SWAP70: variants seen among roughly 807,000 people sequenced by gnomAD.
SWAP70 encodes the protein switching B cell complex subunit SWAP70.
SWAP70 carries 34 observed loss-of-function variants against 80.2 expected under a neutral mutation model. The observed-to-expected ratio is 0.42, with a 90% CI of 0.32 to 0.56. The LOEUF is 0.56. SWAP70 is among the 20% of genes least tolerant of loss of function. The probability of loss-of-function intolerance (pLI) is 0.09; values close to 1 mark genes in which losing one functional copy is unlikely to be tolerated. For missense variants in SWAP70, 578 were observed against 690.7 expected, an observed-to-expected ratio of 0.84 and a Z score of 1.83; for synonymous variants, 239 against 238.5, an observed-to-expected ratio of 1.00 and a Z score of -0.02.
intron 1 of SWAP70, among the ~76,000 whole-genome samples, chr11:9,681,799 GCTT>G (rs1850571287): frequency 6.6e-6 from 1 of 152,208 alleles, no homozygotes; most frequent in South Asian, 2.1e-4. Flanking sequence ...CTCAGAGAAT[GCTT>G]CCTAGAGGAG....
In SWAP70 at chr11:9,665,960, T is replaced by C. The variant is rs187675516; in HGVS notation, c.99+1682T>C. Among the ~76,000 whole-genome samples the C allele has an allele frequency of 7.7e-4, 117 of 152,244 alleles. 3 individuals are homozygous for C. The highest frequency in any genetic ancestry group is 2.7e-3 in the African/African-American group (111 of 41,582). On this transcript the variant is annotated intron_variant, in intron 1 of 11. Transcript: ENST00000318950. ...TTTTAATTGGTATATTTAGGCCATT[T>C]ACATTTAATGTAATTATTGATATGG...
At chr11:9,667,668 T>G (rs938648698) in intron 1 of SWAP70, among the ~76,000 whole-genome samples, 5 of 141,174 alleles carry the variant, frequency 3.5e-5, no homozygotes, top group African/African-American at 1.2e-4. Flanking sequence ...GCTCAAGCAG[T>G]CCTCCCACTT....
chr11:9,700,279 G>A (rs149338892), intron 2 of SWAP70, among the ~76,000 whole-genome samples: 1 of 152,244 alleles, frequency 6.6e-6, no homozygotes, highest in East Asian at 1.9e-4. Context: ...GTGAGCCCTT[G>A]TTTATTATTG....
intron 7 of SWAP70, among the ~76,000 whole-genome samples, chr11:9,734,238 C>G (rs1025453558): frequency 6.6e-6 from 1 of 152,200 alleles, no homozygotes; most frequent in Non-Finnish European, 1.5e-5. Flanking sequence ...GATCAATTCT[C>G]TGTTCCTGTA....
intron 1 of SWAP70, 86 bp downstream of exon 1, chr11:9,664,364 C>T (rs987264277): frequency 2.8e-6 from 4 of 1,420,854 alleles, no homozygotes; most frequent in East Asian, 2.8e-5. Flanking sequence ...CCTGGCGGGC[C>T]GTGACCGCAG....
chr11:9,722,539 G>A (rs755216339), intron 3 of SWAP70, among the ~76,000 whole-genome samples: 19 of 152,186 alleles, frequency 1.2e-4, no homozygotes, highest in Non-Finnish European at 2.4e-4. Context: ...CCTTTGGTTG[G>A]TCTGACAGTC....
intron 2 of SWAP70, among the ~76,000 whole-genome samples, chr11:9,702,954 A>G (rs1175398506): frequency 6.6e-6 from 1 of 152,210 alleles, no homozygotes; most frequent in South Asian, 2.1e-4. Flanking sequence ...TACATACCAT[A>G]CAATTAGTCT....
At position 9,713,537 on chromosome 11, in the gene SWAP70, A is replaced by G. The variant is rs1198796229; in HGVS notation, c.312A>G (p.Thr104=). The stretch of plus-strand genomic sequence containing the variant: ...CCCTCTGTGTCAAAAAAAACCTCAC[A>G]AAGAATCCCCTGCTCATTACAGAAG... ...CWTLCVKKNL[T]KNPLLITEED... The change falls in exon 3 of 12, where the codon ACA becomes ACG. Residue 104 remains threonine, a synonymous_variant. Coordinates refer to ENST00000318950, the MANE Select transcript of SWAP70 (RefSeq NM_015055.4). 3 of 1,614,098 alleles carry G rather than the reference A, an allele frequency of 1.9e-6. No homozygotes were observed. The highest frequency in any genetic ancestry group is 2.5e-6 in the Non-Finnish European group (3 of 1,179,978).
At chr11:9,723,651 T>C (rs919909218) in intron 3 of SWAP70, among the ~76,000 whole-genome samples, 7 of 152,158 alleles carry the variant, frequency 4.6e-5, no homozygotes, top group African/African-American at 1.7e-4. Flanking sequence ...TGGACATATG[T>C]TGAGTTTGAG....
intron 3 of SWAP70, among the ~76,000 whole-genome samples, chr11:9,715,915 A>G (rs1441257902): frequency 6.6e-6 from 1 of 152,200 alleles, no homozygotes; most frequent in Non-Finnish European, 1.5e-5. Context: ...AATTATCATC[A>G]GGGCATGATG....
intron 9 of SWAP70, chr11:9,741,924 T>G: frequency 9.8e-6 from 1 of 101,690 alleles, no homozygotes; most frequent in Non-Finnish European, 2.1e-5. Flanking sequence ...AGCAACATGG[T>G]GAAACCTCAT....
chr11:9,727,750 GAT>G (rs1851244047), intron 4 of SWAP70, among the ~76,000 whole-genome samples: 1 of 152,154 alleles, frequency 6.6e-6, no homozygotes, highest in African/African-American at 2.4e-5. Context: ...ATCTCTAAAA[GAT>G]AATGATTTTT....
At chr11:9,728,030 A>G (rs1324366798) in intron 4 of SWAP70, 23 bp from the exon 5 acceptor site, 3 of 1,570,086 alleles carry the variant, frequency 1.9e-6, no homozygotes, top group South Asian at 1.2e-5. Context: ...ACAATAATTT[A>G]TATCACATTT....
chr11:9,694,349 A>G, intron 2 of SWAP70, 63 bp downstream of exon 2: 3 of 1,508,202 alleles, frequency 2.0e-6, no homozygotes, highest in East Asian at 2.4e-5. Flanking sequence ...AGTGGGCCCA[A>G]AAGCCCCCTG....
rs530619499 is a variant in SWAP70 at position 9,672,195 on chromosome 11, C to CTATGTA, written c.99+7920_99+7921insGTATAT. 5.7e-3 allele frequency among the ~76,000 whole-genome samples: 445 copies of CTATGTA among 78,404 alleles called. 8 individuals are homozygous for CTATGTA. The highest frequency in any genetic ancestry group is 9.8e-3 in the African/African-American group (200 of 20,388). The allele number at this position is 78,404 out of a possible 152,430, so 51.4% of individuals were successfully genotyped here. On this transcript the variant is annotated intron_variant, in intron 1 of 11. Transcript: ENST00000318950. ...TATATATATACATATATGTGTGTGT[C>CTATGTA]TATATATATATATATATATATATAT...
intron 2 of SWAP70, among the ~76,000 whole-genome samples, chr11:9,708,401 T>C (rs897955467): frequency 5.9e-5 from 9 of 152,344 alleles, no homozygotes; most frequent in Middle Eastern, 3.4e-3. Flanking sequence ...ATAAGTGATG[T>C]TGAGCATCTT....
chr11:9,721,130 C>T (rs142795946), intron 3 of SWAP70, among the ~76,000 whole-genome samples: 1,922 of 152,192 alleles, frequency 0.013, 20 homozygotes, highest in Non-Finnish European at 0.019. Context: ...ATCTCTTAAT[C>T]TTTTTATATC....
intron 11 of SWAP70, 88 bp from the exon 12 acceptor site, chr11:9,749,776 G>A (rs1452833505): frequency 2.6e-6 from 2 of 779,268 alleles, no homozygotes; most frequent in Non-Finnish European, 4.4e-6. Context: ...AAATAAAGTA[G>A]GGAAGTTACT....
At chr11:9,738,454 G>C (rs1458507583) in intron 8 of SWAP70, 134 bp downstream of exon 8, 5 of 494,364 alleles carry the variant, frequency 1.0e-5, no homozygotes, top group African/African-American at 7.9e-5. Context: ...GGCTGTAGGG[G>C]AAGTTGCATG....
Sources: gnomAD v4.1 joint callset for allele counts (sites outside exome capture counted in the v4.1 genomes callset) on GRCh38, gnomAD v4.1.1 for gene constraint, MANE v1.5 for transcripts, NCBI Gene and HGNC (gene_info 2026-07-23, HGNC 2026-07-21) for gene names.